The following VOPP1 variants were observed in gnomAD, a reference collection of about 807,000 sequenced individuals.
VOPP1 encodes the protein VOPP1 WW domain binding protein.
VOPP1 carries 8 observed loss-of-function variants against 23.5 expected under a neutral mutation model. The ratio of observed to expected loss-of-function variants is 0.34; its 90% CI spans 0.20 to 0.61. The LOEUF (loss-of-function observed/expected upper bound fraction) is 0.61. Among genes scored for constraint, VOPP1 ranks in the 20% least tolerant of loss-of-function variants. The probability of loss-of-function intolerance (pLI) is 0.78; values close to 1 mark genes in which losing one functional copy is unlikely to be tolerated. For missense variants in VOPP1, 174 were observed against 238.1 expected (o/e 0.73, Z 1.77); for synonymous variants, 83 against 97.3 (o/e 0.85, Z 0.86).
chr7:55,484,217 A>G (rs1792958285), intron 4 of VOPP1, among the ~76,000 whole-genome samples: 2 of 152,172 alleles, frequency 1.3e-5, no homozygotes, highest in East Asian at 1.9e-4. Context: ...TTTTATTACT[A>G]TCTTTGAAAG....
At chr7:55,487,660 C>T (rs2129016558) in intron 4 of VOPP1, among the ~76,000 whole-genome samples, 1 of 152,346 alleles carries the variant, frequency 6.6e-6, no homozygotes, top group Middle Eastern at 3.4e-3. Context: ...CTATCCAATG[C>T]TCTCTTCCCT....
intron 3 of VOPP1, among the ~76,000 whole-genome samples, chr7:55,493,623 A>G (rs1793736269): frequency 6.6e-6 from 1 of 152,212 alleles, no homozygotes; most frequent in South Asian, 2.1e-4. Flanking sequence ...TTATTCATTC[A>G]GCAAGTCATC....
At chr7:55,442,839 G>A (rs1332750266) in intron 4 of VOPP1, among the ~76,000 whole-genome samples, 8 of 152,170 alleles carry the variant, frequency 5.3e-5, no homozygotes, top group South Asian at 2.1e-4. Context: ...AAAGCAGGCC[G>A]GGTGCGGTGG....
chr7:55,524,972 C>G (rs1042607432), intron 1 of VOPP1, among the ~76,000 whole-genome samples: 3 of 152,148 alleles, frequency 2.0e-5, no homozygotes, highest in Non-Finnish European at 4.4e-5. Context: ...CTTCAGAGTA[C>G]TCCCAATCAC....
intron 1 of VOPP1, 125 bp from the exon 2 acceptor site, chr7:55,521,255 G>A (rs1189258675): frequency 5.4e-5 from 53 of 987,444 alleles, no homozygotes; most frequent in Non-Finnish European, 6.6e-5. Context: ...TGGGATATCG[G>A]GGCAGACAAT....
Position 55,472,681 on chromosome 7 carries a change from G to A in VOPP1, c.*174C>T. 2.6e-6 allele frequency: 1 copy of A among 390,004 alleles called. No homozygotes were observed. Among genetic ancestry groups the A allele is most frequent in the South Asian group, 4.3e-5 (1 of 23,032 alleles). The allele number at this position is 390,004 out of a possible 1,614,324, so 24.2% of individuals were successfully genotyped here. Reference sequence around the variant, plus strand: ...AAGCAACAGAGGAGACAAAGTGTGAGTTCATATATTGTACTCCATGGAAAG... The same window carrying A: ...AAGCAACAGAGGAGACAAAGTGTGAATTCATATATTGTACTCCATGGAAAG... On this transcript the variant is annotated 3_prime_UTR_variant, in exon 5 of 5. Transcript: ENST00000285279.
chr7:55,480,746 T>C (rs944141064), intron 4 of VOPP1, among the ~76,000 whole-genome samples: 4 of 152,226 alleles, frequency 2.6e-5, no homozygotes, highest in African/African-American at 9.6e-5. Flanking sequence ...TGGCTGAACA[T>C]GTACTGCATA....
chr7:55,533,533 C>G (rs954625034), intron 1 of VOPP1, among the ~76,000 whole-genome samples: 5 of 152,184 alleles, frequency 3.3e-5, no homozygotes, highest in African/African-American at 1.2e-4. Context: ...CTTTTAACCA[C>G]GAAAGAGGAA....
chr7:55,538,517 T>C (rs1469006908), intron 1 of VOPP1: 52 of 1,162,748 alleles, frequency 4.5e-5, no homozygotes, highest in African/African-American at 9.2e-5. Flanking sequence ...AACAACCCTA[T>C]GGTCCAAAGA....
rs181731150 is a variant in VOPP1, at chr7:55,562,208, G to A, written c.54+10063C>T. 7.2e-5 allele frequency among the ~76,000 whole-genome samples: 11 copies of A among 152,262 alleles called. No homozygotes were observed. The East Asian group carries it at 1.9e-3, about 27-fold the overall frequency. ...GCTCCTCCATACTGCTAAAGGACTC[G>A]AATTCCAAACCTTCAACCTCCATGG... On this transcript the variant is annotated intron_variant, in intron 1 of 4. Transcript: ENST00000285279.
At chr7:55,510,125 A>G (rs1794980333) in intron 2 of VOPP1, among the ~76,000 whole-genome samples, 1 of 152,230 alleles carries the variant, frequency 6.6e-6, no homozygotes, top group South Asian at 2.1e-4. Context: ...AGGCCTGGAA[A>G]TTATGGCCAG....
chr7:55,564,938 T>C (rs563555782), intron 1 of VOPP1, among the ~76,000 whole-genome samples: 18 of 152,308 alleles, frequency 1.2e-4, no homozygotes, highest in Non-Finnish European at 2.4e-4. Flanking sequence ...ATGTGACTCC[T>C]AACGACCACC....
chr7:55,529,117 T>C (rs1167659139), intron 1 of VOPP1, among the ~76,000 whole-genome samples: 1 of 152,168 alleles, frequency 6.6e-6, no homozygotes, highest in Admixed American at 6.5e-5. Context: ...CAGTGGCTCA[T>C]GCCTGTAATC....
At chr7:55,474,824 G>A (rs1427282086) in intron 4 of VOPP1, among the ~76,000 whole-genome samples, 1 of 152,272 alleles carries the variant, frequency 6.6e-6, no homozygotes, top group East Asian at 1.9e-4. Context: ...AGAGGAGCAT[G>A]AAGTGTCTAA....
rs1485922830 is a variant in VOPP1, at chr7:55,572,397, G to C, written c.-73C>G. On this transcript the variant is annotated 5_prime_UTR_variant, in exon 1 of 5. Coordinates refer to ENST00000285279, the MANE Select transcript of VOPP1 (RefSeq NM_030796.5). ...CGCTTCGCGACTCGGCCCCCGCGCG[G>C]GGCGGGCGGGCAGACTGCAGCCGGG... 1.5e-5 allele frequency: 16 copies of C among 1,099,138 alleles called. No individual in the cohort carries two copies. The highest frequency in any genetic ancestry group is 1.7e-5 in the Non-Finnish European group (15 of 872,050). 68.1% of individuals were successfully genotyped at this position (1,099,138 alleles called of 1,614,324 possible).
chr7:55,461,777 T>C (rs1791506999), intron 4 of VOPP1, among the ~76,000 whole-genome samples: 1 of 152,238 alleles, frequency 6.6e-6, no homozygotes, highest in Non-Finnish European at 1.5e-5. Flanking sequence ...TTATTACTGA[T>C]AGGTGAGGAC....
intron 1 of VOPP1, among the ~76,000 whole-genome samples, chr7:55,536,563 T>C (rs1267242942): frequency 6.7e-6 from 1 of 148,718 alleles, no homozygotes; most frequent in Non-Finnish European, 1.5e-5. Context: ...TTTACCACCA[T>C]GAGGATAGAG....
intron 3 of VOPP1, among the ~76,000 whole-genome samples, chr7:55,497,141 C>T (rs889307537): frequency 2.0e-5 from 3 of 152,216 alleles, no homozygotes; most frequent in African/African-American, 7.2e-5. Flanking sequence ...TGGACTGCTC[C>T]GTATGCGCCC....
intron 4 of VOPP1, among the ~76,000 whole-genome samples, chr7:55,476,333 G>A (rs915343255): frequency 6.7e-6 from 1 of 149,894 alleles, no homozygotes; most frequent in Non-Finnish European, 1.5e-5. Flanking sequence ...CAGTGAGCTG[G>A]CCCAGCCCCA....
Sources: allele counts gnomAD v4.1 joint callset (sites outside exome capture counted in the v4.1 genomes callset), GRCh38; gene constraint gnomAD v4.1.1; transcripts MANE v1.5; gene names NCBI Gene and HGNC (gene_info 2026-07-23, HGNC 2026-07-21).